The following FDFT1 variants were observed in gnomAD, a reference collection of about 807,000 sequenced individuals.
FDFT1 encodes squalene synthase.
FDFT1 carries 68 observed loss-of-function variants against 46.8 expected under a neutral mutation model. The observed-to-expected ratio is 1.45, with a 90% CI of 1.19 to 1.78. The LOEUF (loss-of-function observed/expected upper bound fraction) is 1.78. Among genes scored for constraint, FDFT1 ranks in the 40% most tolerant of loss-of-function variants. FDFT1 has a pLI of 0.00. For synonymous variants in FDFT1, 351 were observed against 185.1 expected (o/e 1.90, Z -7.28); for missense variants, 928 against 524.4 (o/e 1.77, Z -7.52).
In FDFT1 at chr8:11,830,195, C is replaced by T. The variant is rs771550389; in HGVS notation, c.703-49C>T. 3 of 1,404,170 alleles carry T rather than the reference C, an allele frequency of 2.1e-6. No homozygotes were observed. The East Asian group carries it at 6.8e-5, about 32-fold the overall frequency. 87.0% of individuals were successfully genotyped at this position (1,404,170 alleles called of 1,614,324 possible). A position where few individuals can be genotyped will look rare whatever the true frequency, so the allele number is the denominator to read the frequency against. ...GACCCTTTAATATTGTTTGTAAATT[C>T]TCCCCTATGCACACGCTGACCTGTT... On this transcript the variant is annotated intron_variant, in intron 5 of 7. Transcript: ENST00000220584.
In FDFT1 at chr8:11,809,848, A is replaced by G. The variant is rs1176772651; in HGVS notation, c.379A>G (p.Thr127Ala). ...KDRQVLEDFP[T>A]ISLEFRNLAE... ...TCGCCAGGTGCTGGAGGACTTCCCA[A>G]CGGTGAGTGGGGTTACGCATCTTGT... is the stretch of plus-strand genomic sequence containing the variant. The change falls in exon 3 of 8, where the codon ACG becomes GCG. Residue 127 changes from threonine to alanine, a missense_variant and splice_region_variant. Transcript: ENST00000220584. The G allele has an allele frequency of 2.5e-6, 4 of 1,611,266 alleles. No homozygotes were observed. The highest frequency in any genetic ancestry group is 2.7e-5 in the African/African-American group (2 of 74,846).
chr8:11,838,274 C>T (rs1421710154), intron 7 of FDFT1, 114 bp from the exon 8 acceptor site: 1 of 797,250 alleles, frequency 1.3e-6, no homozygotes, highest in African/African-American at 1.7e-5. Context: ...CTGAGCCTCC[C>T]TTTCCTCATT....
In FDFT1 at chr8:11,838,445, T is replaced by C; in HGVS notation, c.1090T>C (p.Ser364Pro). ...TTCTAGCAAAACAAGGCAGATCATC[T>C]CCACCATCCGGACGCAGAATCTTCC... is the stretch of plus-strand genomic sequence containing the variant. Reference protein sequence around the residue: ...PSSSKTRQIISTIRTQNLPNC... With the variant: ...PSSSKTRQIIPTIRTQNLPNC... Residue 364 changes from serine (S) to proline (P), a missense_variant, in exon 8 of 8, where the codon TCC becomes CCC. Ser to Pro is a moderately conservative substitution (Grantham distance 74, BLOSUM62 -1). Coordinates refer to ENST00000220584, the MANE Select transcript of FDFT1 (RefSeq NM_004462.5). 1 of 1,609,986 alleles carries C rather than the reference T, an allele frequency of 6.2e-7. No homozygotes were observed. Among genetic ancestry groups the C allele is most frequent in the African/African-American group, 1.3e-5 (1 of 74,938 alleles).
intron 4 of FDFT1, among the ~76,000 whole-genome samples, chr8:11,823,077 A>C (rs971484974): frequency 6.6e-6 from 1 of 151,900 alleles, no homozygotes; most frequent in South Asian, 2.1e-4. Flanking sequence ...ACCTCAGCCT[A>C]CCGAGTAGCT....
intron 1 of FDFT1, 175 bp from the exon 2 acceptor site, chr8:11,808,619 C>G: frequency 2.9e-6 from 4 of 1,391,116 alleles, no homozygotes; most frequent in Non-Finnish European, 3.7e-6. Context: ...CAGGCACCGC[C>G]CCGCGGGGCT....
intron 7 of FDFT1, among the ~76,000 whole-genome samples, chr8:11,837,616 G>C (rs549220102): frequency 3.7e-4 from 57 of 152,252 alleles, no homozygotes; most frequent in African/African-American, 1.3e-3. Flanking sequence ...ACCATGGGTG[G>C]CCTTGCGCTA....
chr8:11,813,583 C>G (rs977902865), intron 3 of FDFT1, among the ~76,000 whole-genome samples: 3 of 152,202 alleles, frequency 2.0e-5, no homozygotes, highest in African/African-American at 7.2e-5. Context: ...CTTCAGATCT[C>G]TTGTGCTGAG....
Position 11,838,899 on chromosome 8 carries a change from CTG to C in FDFT1, c.*292_*293del, listed in dbSNP as rs1391151508. ...TTAGGTGAAGTCGCTGCATATGTGA[CTG>C]TCATGAGATCCTACTTAGTATGATC... On this transcript the variant is annotated 3_prime_UTR_variant, in exon 8 of 8. Transcript: ENST00000220584. 1 of 410,854 alleles carries C rather than the reference CTG, an allele frequency of 2.4e-6. No homozygotes were observed. The highest frequency in any genetic ancestry group is 2.1e-5 in the African/African-American group (1 of 48,552). The allele number at this position is 410,854 out of a possible 1,614,324, so 25.5% of individuals were successfully genotyped here. A position where few individuals can be genotyped will look rare whatever the true frequency, so the allele number is the denominator to read the frequency against.
chr8:11,806,776 C>G (rs1167645328), intron 1 of FDFT1, among the ~76,000 whole-genome samples: 1 of 152,114 alleles, frequency 6.6e-6, no homozygotes, highest in African/African-American at 2.4e-5. Context: ...AATCCTGCCT[C>G]TCGATATTTT....
intron 1 of FDFT1, chr8:11,803,751 G>A (rs183350867): frequency 7.4e-4 from 142 of 191,894 alleles, no homozygotes; most frequent in African/African-American, 3.2e-3. Flanking sequence ...CTTGATAGGT[G>A]CCTGAACATC....
At chr8:11,802,088 C>T (rs1806180503), upstream of FDFT1, 2 of 455,112 alleles carry the variant, frequency 4.4e-6, no homozygotes, top group Admixed American at 2.3e-5. Flanking sequence ...TTTTCTAGGA[C>T]TAAGCTGGAT....
intron 6 of FDFT1, among the ~76,000 whole-genome samples, chr8:11,830,657 C>T (rs1810648500): frequency 6.6e-6 from 1 of 152,188 alleles, no homozygotes; most frequent in South Asian, 2.1e-4. Context: ...CTATTTTCTA[C>T]AGCTATCCTA....
upstream of FDFT1, among the ~76,000 whole-genome samples, chr8:11,797,573 C>T (rs886256992): frequency 7.3e-6 from 1 of 137,042 alleles, no homozygotes; most frequent in Non-Finnish European, 1.5e-5. Context: ...ATGGGAAGAT[C>T]CTTAATCCTA....
At chr8:11,803,443 T>C (rs1441362242) in intron 1 of FDFT1, 6 of 1,283,956 alleles carry the variant, frequency 4.7e-6, no homozygotes, top group Non-Finnish European at 3.0e-6. Context: ...TCCTGAGTTT[T>C]AAAATCGCCT....
intron 2 of FDFT1, chr8:11,809,268 C>T (rs531115088): frequency 1.8e-6 from 2 of 1,113,758 alleles, no homozygotes; most frequent in East Asian, 6.2e-5. Flanking sequence ...ACATTACACC[C>T]ATGAACTTAG....
chr8:11,796,718 G>A (rs536011609), intron 1 of FDFT1, among the ~76,000 whole-genome samples: 4 of 152,352 alleles, frequency 2.6e-5, no homozygotes, highest in African/African-American at 7.2e-5. Context: ...TGAGTTGCAA[G>A]AGTCCTGACC....
intron 4 of FDFT1, among the ~76,000 whole-genome samples, chr8:11,824,038 T>C (rs531329027): frequency 1.1e-4 from 16 of 151,278 alleles, no homozygotes; most frequent in African/African-American, 3.9e-4. Context: ...CCTTTTAAAA[T>C]TTTTTACAGA....
intron 7 of FDFT1, among the ~76,000 whole-genome samples, chr8:11,833,884 C>T (rs61452742): frequency 0.034 from 5,154 of 152,304 alleles, 255 homozygotes; most frequent in East Asian, 0.28. Context: ...AATATTAATA[C>T]TTAAGTTGAT....
At position 11,838,112 on chromosome 8, in the gene FDFT1, T is replaced by C. The variant is rs139711816; in HGVS notation, c.1033-276T>C. Among the ~76,000 whole-genome samples, 362 of 152,270 alleles carry C rather than the reference T, an allele frequency of 2.4e-3. 2 individuals carry two copies. The highest frequency in any genetic ancestry group is 8.2e-3 in the African/African-American group (339 of 41,558). On this transcript the variant is annotated intron_variant, in intron 7 of 7. Coordinates refer to ENST00000220584, the MANE Select transcript of FDFT1 (RefSeq NM_004462.5). Reference sequence around the variant, plus strand: ...TGAGGTGCTGGGGATGTGAAGATCATTGTGGCTCAGCCGCTGCTCTCGAGG... The same window carrying C: ...TGAGGTGCTGGGGATGTGAAGATCACTGTGGCTCAGCCGCTGCTCTCGAGG...
Sources: gnomAD v4.1 joint callset for allele counts (sites outside exome capture counted in the v4.1 genomes callset) on GRCh38, gnomAD v4.1.1 for gene constraint, MANE v1.5 for transcripts, NCBI Gene and HGNC (gene_info 2026-07-23, HGNC 2026-07-21) for gene names.